PUM2: variants seen among roughly 807,000 people sequenced by gnomAD.
PUM2 encodes the protein pumilio homolog 2.
PUM2 carries 57 observed loss-of-function variants against 124.5 expected under a neutral mutation model. That is an observed-to-expected ratio of 0.46 (90% CI 0.37 to 0.57). PUM2 has a LOEUF of 0.57. Ranked by LOEUF, PUM2 falls within the 20% of genes least tolerant of loss-of-function variation. PUM2 has a pLI of 0.00. For synonymous variants in PUM2, 460 were observed against 446.1 expected, an observed-to-expected ratio of 1.03 and a Z score of -0.39; for missense variants, 1,065 against 1,290.6, an observed-to-expected ratio of 0.83 and a Z score of 2.68.
At chr2:20,287,769 T>C (rs1673072347) in intron 10 of PUM2, among the ~76,000 whole-genome samples, 1 of 152,190 alleles carries the variant, frequency 6.6e-6, no homozygotes, top group Admixed American at 6.5e-5. Flanking sequence ...GGCAAGTTAT[T>C]GGATGTGGAG....
intron 3 of PUM2, among the ~76,000 whole-genome samples, chr2:20,314,198 G>A (rs1680339700): frequency 6.6e-6 from 1 of 152,002 alleles, no homozygotes; most frequent in African/African-American, 2.4e-5. Context: ...TTTCGATTTG[G>A]CAGAAACACT....
At chr2:20,300,206 G>A (rs1373273255) in intron 7 of PUM2, among the ~76,000 whole-genome samples, 1 of 151,788 alleles carries the variant, frequency 6.6e-6, no homozygotes, top group Non-Finnish European at 1.5e-5. Context: ...TTGGAGTGCA[G>A]TAGCACGATC....
chr2:20,298,922 A>C (rs1294901666), intron 7 of PUM2, among the ~76,000 whole-genome samples: 1 of 152,222 alleles, frequency 6.6e-6, no homozygotes, highest in Non-Finnish European at 1.5e-5. Flanking sequence ...ACTAGGCCTT[A>C]AAATCAAAAT....
intron 1 of PUM2, among the ~76,000 whole-genome samples, chr2:20,336,712 T>TG (rs201731555): frequency 2.2e-5 from 3 of 133,856 alleles, no homozygotes; most frequent in Non-Finnish European, 4.8e-5. Context: ...TGTGTGTGTG[T>TG]TACAGACGGG....
At chr2:20,335,949 C>G (rs545067084) in intron 1 of PUM2, among the ~76,000 whole-genome samples, 1 of 152,344 alleles carries the variant, frequency 6.6e-6, no homozygotes, top group South Asian at 2.1e-4. Context: ...AGTTTCTCCT[C>G]TTATAAGGCA....
At chr2:20,263,546 TAAAG>T in intron 13 of PUM2, 86 bp from the exon 14 acceptor site, 13 of 1,417,808 alleles carry the variant, frequency 9.2e-6, no homozygotes, top group South Asian at 1.4e-5. Flanking sequence ...ATTCAGTCAA[TAAAG>T]AAATATTTCC....
At chr2:20,275,337 C>G (rs1215730322) in intron 13 of PUM2, among the ~76,000 whole-genome samples, 1 of 151,886 alleles carries the variant, frequency 6.6e-6, no homozygotes, top group Non-Finnish European at 1.5e-5. Flanking sequence ...ACACGAGTCA[C>G]CTTTAAAAGT....
At chr2:20,289,532 T>C (rs911382720) in intron 10 of PUM2, among the ~76,000 whole-genome samples, 1 of 152,112 alleles carries the variant, frequency 6.6e-6, no homozygotes, top group Non-Finnish European at 1.5e-5. Context: ...AGCAAAAATA[T>C]ATGGCTGGGG....
At chr2:20,270,532 G>C (rs1488096382) in intron 13 of PUM2, among the ~76,000 whole-genome samples, 1 of 148,468 alleles carries the variant, frequency 6.7e-6, no homozygotes, top group African/African-American at 2.4e-5. Flanking sequence ...TGAAGAACTG[G>C]GAAGGTAAAA....
intron 19 of PUM2, 123 bp from the exon 20 acceptor site, chr2:20,254,137 G>C (rs1399852315): frequency 1.2e-6 from 1 of 810,096 alleles, no homozygotes. Flanking sequence ...GGATTCTCTT[G>C]TCTTATGATT....
At chr2:20,325,429 T>G (rs1683425109) in intron 2 of PUM2, among the ~76,000 whole-genome samples, 1 of 152,158 alleles carries the variant, frequency 6.6e-6, no homozygotes, top group South Asian at 2.1e-4. Flanking sequence ...AGCTACTCTT[T>G]CCCCCAAATA....
In PUM2 at chr2:20,289,199, C is replaced by T. The variant is rs370348898; in HGVS notation, c.1291+1453G>A. On this transcript the variant is annotated intron_variant, in intron 10 of 20. Transcript: ENST00000361078. ...AAGAAATGAGTAATAGGGCCAGCAT[C>T]AAGAGCCTAGGAGGATCAATGAGTT... Among the ~76,000 whole-genome samples the T allele has an allele frequency of 3.2e-4, 49 of 152,204 alleles. No individual in the cohort carries two copies. The South Asian group carries it at 1.0e-2, about 31-fold the overall frequency.
rs556124794 is a variant in PUM2, at chr2:20,294,424, G to A, written c.1104C>T (p.Asn368=). Residue 368 remains asparagine, a synonymous_variant, in exon 9 of 21, where the codon AAC becomes AAT. Coordinates refer to ENST00000361078, the MANE Select transcript of PUM2 (RefSeq NM_015317.5). ...FQQQAAAAAN[N]TASQQAASQA... is the part of the protein sequence containing the mutation. ...GTGATGCTGCTTGCTGACTGGCTGTGTTATTTGCCGCAGCTGCAGCTTGCT... is the reference window on the plus strand; with the variant it reads ...GTGATGCTGCTTGCTGACTGGCTGTATTATTTGCCGCAGCTGCAGCTTGCT... The A allele has an allele frequency of 2.5e-6, 4 of 1,614,158 alleles. No homozygotes were observed. In the African/African-American group the frequency reaches 4.0e-5, roughly 16 times the overall value.
Position 20,274,997 on chromosome 2 carries a change from A to AATG in PUM2, c.1957+3583_1957+3585dup, listed in dbSNP as rs1171186050. ...AAAGATGCTTACTTCTATCCTAGAC[A>AATG]ATGATGTATAAAACAACTGTAGGTA... On this transcript the variant is annotated intron_variant, in intron 13 of 20. Coordinates refer to ENST00000361078, the MANE Select transcript of PUM2 (RefSeq NM_015317.5). Among the ~76,000 whole-genome samples the AATG allele has an allele frequency of 2.2e-5, 3 of 136,660 alleles. No homozygotes were observed. In the East Asian group the frequency reaches 6.4e-4, roughly 29 times the overall value. The allele number at this position is 136,660 out of a possible 152,430, so 89.7% of individuals were successfully genotyped here. A position where few individuals can be genotyped will look rare whatever the true frequency, so the allele number is the denominator to read the frequency against.
chr2:20,340,995 CTTTT>C (rs1687116271), intron 1 of PUM2, among the ~76,000 whole-genome samples: 1 of 152,170 alleles, frequency 6.6e-6, no homozygotes, highest in Non-Finnish European at 1.5e-5. Context: ...TCAAACTGAA[CTTTT>C]TGTTTATTTG....
At chr2:20,285,496 T>C (rs992167088) in intron 10 of PUM2, among the ~76,000 whole-genome samples, 4 of 152,170 alleles carry the variant, frequency 2.6e-5, no homozygotes, top group East Asian at 3.9e-4. Flanking sequence ...CTTTTACGTA[T>C]TGGGAAAAAT....
intron 13 of PUM2, among the ~76,000 whole-genome samples, chr2:20,275,021 T>C (rs1378054049): frequency 8.0e-6 from 1 of 124,348 alleles, no homozygotes; most frequent in Non-Finnish European, 1.6e-5. Flanking sequence ...CAACTGTAGG[T>C]AGATTGCCCC....
intron 7 of PUM2, among the ~76,000 whole-genome samples, chr2:20,298,178 T>C (rs1378332005): frequency 6.6e-6 from 1 of 152,254 alleles, no homozygotes; most frequent in African/African-American, 2.4e-5. Context: ...AAATACAATA[T>C]AGCATATTAA....
chr2:20,293,715 TAAAATAAAATAA>T (rs1042760319), intron 9 of PUM2, among the ~76,000 whole-genome samples: 37 of 151,694 alleles, frequency 2.4e-4, no homozygotes, highest in African/African-American at 8.0e-4. Flanking sequence ...AAAATAAAAA[TAAAATAAAATAA>T]AAAATAAAAT....
Sources: allele counts gnomAD v4.1 joint callset (sites outside exome capture counted in the v4.1 genomes callset), GRCh38; gene constraint gnomAD v4.1.1; transcripts MANE v1.5; gene names NCBI Gene and HGNC (gene_info 2026-07-23, HGNC 2026-07-21).